Variants in RARB observed in about 807,000 individuals in gnomAD.
RARB encodes the protein retinoic acid receptor beta, also known as HBV-activated protein.
RARB carries 17 observed loss-of-function variants against 51.9 expected under a neutral mutation model. The ratio of observed to expected loss-of-function variants is 0.33; its 90% confidence interval spans 0.22 to 0.49. RARB has a LOEUF of 0.49. Among genes scored for constraint, RARB ranks in the 20% least tolerant of loss-of-function variants. The pLI is 0.99. For synonymous variants in RARB, 215 were observed against 195.4 expected (o/e 1.10, Z -0.84); for missense variants, 369 against 550.8 (o/e 0.67, Z 3.30).
At chr3:25,195,034 C>T (rs1701197706) in intron 5 of RARB, among the ~76,000 whole-genome samples, 1 of 151,892 alleles carries the variant, frequency 6.6e-6, no homozygotes, top group Non-Finnish European at 1.5e-5. Flanking sequence ...AAAGCTTTAA[C>T]AAAAAAGTTT....
At chr3:25,239,140 T>A (rs1243206332) in intron 5 of RARB, among the ~76,000 whole-genome samples, 1 of 152,206 alleles carries the variant, frequency 6.6e-6, no homozygotes, top group Admixed American at 6.5e-5. Context: ...CTTTGCCCAC[T>A]TTTTAATGGG....
At chr3:25,049,759 T>C (rs937754409) in intron 2 of RARB, among the ~76,000 whole-genome samples, 1 of 152,258 alleles carries the variant, frequency 6.6e-6, no homozygotes, top group Non-Finnish European at 1.5e-5. Flanking sequence ...TCCAAACTGA[T>C]GTGTTAACTA....
intron 1 of RARB, among the ~76,000 whole-genome samples, chr3:24,857,749 C>G (rs1410998739): frequency 6.6e-6 from 1 of 152,028 alleles, no homozygotes; most frequent in Non-Finnish European, 1.5e-5. Flanking sequence ...ACCCCTGTCT[C>G]TACAAAAAAA....
At chr3:25,232,973 CTT>C (rs71061205) in intron 5 of RARB, among the ~76,000 whole-genome samples, 7 of 118,782 alleles carry the variant, frequency 5.9e-5, no homozygotes, top group South Asian at 2.9e-4. Context: ...TTTTCTTTTT[CTT>C]TTTTTTTTTT....
chr3:25,034,454 G>C (rs1031137291), intron 2 of RARB, among the ~76,000 whole-genome samples: 5 of 152,214 alleles, frequency 3.3e-5, no homozygotes, highest in Non-Finnish European at 7.3e-5. Context: ...ATAAAGGCTT[G>C]AACGAGTGGA....
intron 5 of RARB, among the ~76,000 whole-genome samples, chr3:25,240,148 G>C (rs1702397228): frequency 1.3e-5 from 2 of 151,794 alleles, no homozygotes; most frequent in Non-Finnish European, 1.5e-5. Flanking sequence ...TTCATCATTG[G>C]TGTATAGAAA....
At chr3:25,046,821 T>C (rs1698227320) in intron 2 of RARB, among the ~76,000 whole-genome samples, 1 of 152,228 alleles carries the variant, frequency 6.6e-6, no homozygotes, top group African/African-American at 2.4e-5. Flanking sequence ...ATAGTTAATA[T>C]ATGAGTAAAC....
chr3:25,594,216 A>G (rs913180866), intron 6 of RARB, among the ~76,000 whole-genome samples: 1 of 152,242 alleles, frequency 6.6e-6, no homozygotes, highest in Non-Finnish European at 1.5e-5. Flanking sequence ...TTATGCTAAA[A>G]TAACCATCCT....
At chr3:25,579,896 G>A (rs951815651) in intron 4 of RARB, among the ~76,000 whole-genome samples, 3 of 152,170 alleles carry the variant, frequency 2.0e-5, no homozygotes, top group Non-Finnish European at 2.9e-5. Flanking sequence ...GACAGGTGGC[G>A]TGTTTTTAAG....
chr3:25,106,585 G>C (rs1699509070), intron 3 of RARB, among the ~76,000 whole-genome samples: 1 of 150,654 alleles, frequency 6.6e-6, no homozygotes, highest in Non-Finnish European at 1.5e-5. Context: ...TTACAGGCAT[G>C]AGCCCATGGC....
At chr3:25,434,630 C>T (rs1021312363) in intron 1 of RARB, among the ~76,000 whole-genome samples, 1 of 151,178 alleles carries the variant, frequency 6.6e-6, no homozygotes, top group Non-Finnish European at 1.5e-5. Context: ...CAACCTCCAC[C>T]TCCCAGATTC....
At chr3:25,078,988 CAACTT>C (rs1230615404) in intron 3 of RARB, among the ~76,000 whole-genome samples, 1 of 151,866 alleles carries the variant, frequency 6.6e-6, no homozygotes, top group African/African-American at 2.4e-5. Flanking sequence ...GGAAAACTGA[CAACTT>C]AATAATATTG....
chr3:25,144,226 G>T lies in RARB; in HGVS notation c.-280+12018G>T, dbSNP rs78837298. Among the ~76,000 whole-genome samples, 7 of 152,256 alleles carry T rather than the reference G, an allele frequency of 4.6e-5. No homozygotes were observed. In the East Asian group the frequency reaches 7.7e-4, roughly 17 times the overall value. On this transcript the variant is annotated intron_variant, in intron 4 of 11. Transcript: ENST00000383772. ...AAAAGTTAATACAGTACAGAAGATGGCAGGGTACTTAAAAACCTTCTAGAC... is the reference window on the plus strand; with the variant it reads ...AAAAGTTAATACAGTACAGAAGATGTCAGGGTACTTAAAAACCTTCTAGAC...
intron 3 of RARB, among the ~76,000 whole-genome samples, chr3:25,082,026 C>T (rs1178507814): frequency 1.3e-5 from 2 of 152,146 alleles, no homozygotes; most frequent in Non-Finnish European, 1.5e-5. Context: ...ATTGCTATCT[C>T]TGCTACTACT....
chr3:25,309,698 T>C (rs1174647613), intron 5 of RARB, among the ~76,000 whole-genome samples: 1 of 151,360 alleles, frequency 6.6e-6, no homozygotes, highest in Non-Finnish European at 1.5e-5. Flanking sequence ...GGGTTTCATA[T>C]GTTGGCCAGG....
intron 5 of RARB, among the ~76,000 whole-genome samples, chr3:25,284,352 G>T (rs926583319): frequency 6.6e-6 from 1 of 152,042 alleles, no homozygotes; most frequent in Non-Finnish European, 1.5e-5. Context: ...AAGAAACTAT[G>T]AAATAATAAA....
rs1378055258 is a variant in RARB, at chr3:25,204,962, G to A, written c.178+30387G>A. On this transcript the variant is annotated intron_variant, in intron 5 of 11. Coordinates refer to the RARB transcript ENST00000383772. ...TACTCTCTTCAAAGCTGTCAGACAG[G>A]GACATTTAAGTCTGCAGAGGTTTCT... 2.0e-5 allele frequency among the ~76,000 whole-genome samples: 3 copies of A among 152,138 alleles called. No individual in the cohort carries two copies. In the East Asian group the frequency reaches 5.8e-4, roughly 29 times the overall value.
intron 2 of RARB, among the ~76,000 whole-genome samples, chr3:24,936,575 C>T (rs1695553046): frequency 6.6e-6 from 1 of 152,108 alleles, no homozygotes; most frequent in Non-Finnish European, 1.5e-5. Flanking sequence ...AGCAATAAAG[C>T]AACATGAGAA....
At chr3:25,399,865 G>A (rs1234841617) in intron 5 of RARB, among the ~76,000 whole-genome samples, 1 of 152,142 alleles carries the variant, frequency 6.6e-6, no homozygotes, top group Non-Finnish European at 1.5e-5. Flanking sequence ...CTCCCACCAC[G>A]AATGCCTTGA....
Sources: allele counts gnomAD v4.1 joint callset (sites outside exome capture counted in the v4.1 genomes callset), GRCh38; gene constraint gnomAD v4.1.1; transcripts MANE v1.5; gene names NCBI Gene and HGNC (gene_info 2026-07-23, HGNC 2026-07-21).